RBL1: variants seen among roughly 807,000 people sequenced by gnomAD.
RBL1 encodes the protein RB transcriptional corepressor like 1, also known as retinoblastoma-like protein 1.
A neutral mutation model predicts 123.0 loss-of-function variants in RBL1; 82 were observed. The ratio of observed to expected loss-of-function variants is 0.67; its 90% CI spans 0.56 to 0.80. The LOEUF (loss-of-function observed/expected upper bound fraction) is 0.80, where lower values mean the gene tolerates loss of function less well. RBL1 is among the 30% of genes least tolerant of loss of function. RBL1 has a pLI of 0.00. For synonymous variants in RBL1, 405 were observed against 441.3 expected (o/e 0.92, Z 1.03); for missense variants, 1,171 against 1,299.6 (o/e 0.90, Z 1.52).
intron 2 of RBL1, among the ~76,000 whole-genome samples, chr20:37,070,028 GGC>G (rs1193792838): frequency 6.6e-6 from 1 of 152,270 alleles, no homozygotes; most frequent in East Asian, 1.9e-4. Flanking sequence ...GGAATAGAAG[GGC>G]GGGAAAGGTG....
chr20:37,002,347 T>G lies in RBL1; in HGVS notation c.3036+1355A>C, dbSNP rs557509464. 2.7e-3 allele frequency among the ~76,000 whole-genome samples: 373 copies of G among 137,112 alleles called. 3 individuals are homozygous for G. Among genetic ancestry groups the G allele is most frequent in the African/African-American group, 9.7e-3 (366 of 37,688 alleles). 90.0% of individuals were successfully genotyped at this position (137,112 alleles called of 152,430 possible). ...GCCTAGCCTTATCTGTTTTTTTTTT[T>G]TTTTTTTTTTTTTGAGACTAAGTCT... On this transcript the variant is annotated intron_variant, in intron 21 of 21. Transcript: ENST00000373664.
chr20:37,034,022 TC>T (rs1264398746), intron 15 of RBL1, among the ~76,000 whole-genome samples: 1 of 151,378 alleles, frequency 6.6e-6, no homozygotes, highest in African/African-American at 2.4e-5. Context: ...CACTGTAGCC[TC>T]AAATTCCTGG....
chr20:37,095,592 G>C (rs1396408943), intron 1 of RBL1, among the ~76,000 whole-genome samples, 181 bp downstream of exon 1: 3 of 152,132 alleles, frequency 2.0e-5, no homozygotes, highest in African/African-American at 7.2e-5. Flanking sequence ...TCAGTTTCCC[G>C]CCTCAAAATG....
chr20:37,080,317 C>T (rs567030372), intron 2 of RBL1, among the ~76,000 whole-genome samples: 14 of 151,940 alleles, frequency 9.2e-5, no homozygotes, highest in South Asian at 2.1e-4. Flanking sequence ...CCACCATGTT[C>T]GGCTGTTTTT....
At chr20:37,085,351 G>GTCTTGAAC (rs2065524801) in intron 2 of RBL1, among the ~76,000 whole-genome samples, 1 of 150,418 alleles carries the variant, frequency 6.6e-6, no homozygotes, top group Non-Finnish European at 1.5e-5. Flanking sequence ...GGCCAGGCTG[G>GTCTTGAAC]TCTTGAACTC....
chr20:37,056,078 G>A (rs867238944), intron 10 of RBL1, 68 bp downstream of exon 10: 10 of 1,518,624 alleles, frequency 6.6e-6, no homozygotes, highest in South Asian at 5.0e-5. Context: ...AGGAAAAACC[G>A]TGAATTTCTA....
Position 37,068,055 on chromosome 20 carries a change from G to A in RBL1, c.422C>T (p.Pro141Leu), listed in dbSNP as rs762473915. The A allele has an allele frequency of 3.7e-6, 6 of 1,613,380 alleles. No individual in the cohort carries two copies. Among genetic ancestry groups the A allele is most frequent in the Admixed American group, 1.7e-5 (1 of 59,894 alleles). ...ATTTTGAAATATATCTAAAAAAATT[G>A]GCTCATATTTTTTGAATATTACAGT... ...VSTVIFKKYE[P>L]IFLDIFQNPY... Residue 141 changes from proline to leucine, a missense_variant, in exon 3 of 22, where the codon CCA becomes CTA. By Grantham distance (98) the Pro-to-Leu change is moderately conservative. Transcript: ENST00000373664.
Position 37,035,397 on chromosome 20 carries a change from T to A in RBL1, c.2015A>T (p.Asp672Val). ...TTTTGTTCCTTCTGTTATGATCTTG[T>A]CCATAAGCATTTCCTTTGGGGGGTC... ...GEDPPKEMLM[D>V]KIITEGTKLK... The change falls in exon 15 of 22, where the codon GAC becomes GTC. Residue 672 changes from aspartate (D) to valine (V), a missense_variant. Transcript: ENST00000373664. 1 of 1,614,150 alleles carries A rather than the reference T, an allele frequency of 6.2e-7. No homozygotes were observed. The highest frequency in any genetic ancestry group is 8.5e-7 in the Non-Finnish European group (1 of 1,180,016).
chr20:37,032,976 TAAG>T, intron 15 of RBL1, 100 bp from the exon 16 acceptor site: 3 of 1,456,672 alleles, frequency 2.1e-6, no homozygotes, highest in South Asian at 2.9e-5. Context: ...TCTGTGTGTA[TAAG>T]AAGGCTACAA....
chr20:37,029,335 G>T (rs905061996), intron 16 of RBL1, among the ~76,000 whole-genome samples: 4 of 152,128 alleles, frequency 2.6e-5, no homozygotes, highest in African/African-American at 9.7e-5. Flanking sequence ...TGTACAAAAA[G>T]ATGGCCCTCT....
intron 14 of RBL1, among the ~76,000 whole-genome samples, chr20:37,036,340 C>T (rs145468224): frequency 0.014 from 2,011 of 147,356 alleles, 22 homozygotes; most frequent in Middle Eastern, 0.069. Context: ...TGCAGTGGCA[C>T]GATTTTGGCC....
chr20:37,058,143 A>ACAAAC (rs201074192), intron 9 of RBL1, among the ~76,000 whole-genome samples: 1 of 139,908 alleles, frequency 7.1e-6, no homozygotes. Context: ...AACAAAACAA[A>ACAAAC]AAAAAAAAAG....
At chr20:37,022,466 A>C (rs890090934) in intron 17 of RBL1, among the ~76,000 whole-genome samples, 184 bp downstream of exon 17, 5 of 152,140 alleles carry the variant, frequency 3.3e-5, no homozygotes, top group Admixed American at 2.0e-4. Flanking sequence ...AGCTGGGCCT[A>C]TAGGTGCAAG....
At chr20:37,068,900 C>CTT (rs2065228222) in intron 2 of RBL1, among the ~76,000 whole-genome samples, 1 of 152,256 alleles carries the variant, frequency 6.6e-6, no homozygotes, top group African/African-American at 2.4e-5. Context: ...TCATGCTGAG[C>CTT]CGAAGCTGGA....
Position 37,032,997 on chromosome 20 carries a change from ATTCTAGG to A in RBL1, c.2171-128_2171-122del, listed in dbSNP as rs924242749. 9 of 1,338,126 alleles carry A rather than the reference ATTCTAGG, an allele frequency of 6.7e-6. No individual in the cohort carries two copies. The African/African-American group carries it at 1.4e-4, about 20-fold the overall frequency. The allele number at this position is 1,338,126 out of a possible 1,614,324, so 82.9% of individuals were successfully genotyped here. A position where few individuals can be genotyped will look rare whatever the true frequency, so the allele number is the denominator to read the frequency against. On this transcript the variant is annotated intron_variant, in intron 15 of 21. Coordinates refer to ENST00000373664, the MANE Select transcript of RBL1 (RefSeq NM_002895.5). The stretch of plus-strand genomic sequence containing the variant: ...TGTATAAGAAGGCTACAAAATAGTA[ATTCTAGG>A]TTATGACTGAATTCTTTTTTTTTTT...
chr20:37,072,682 A>G (rs543121886), intron 2 of RBL1, among the ~76,000 whole-genome samples: 5 of 152,138 alleles, frequency 3.3e-5, no homozygotes, highest in Non-Finnish European at 5.9e-5. Context: ...GAGATTTTGA[A>G]TCTGAAGCTG....
rs1415600044 is a variant in RBL1, at chr20:36,998,826, C to T, written c.3140G>A (p.Cys1047Tyr). Residue 1047 changes from cysteine to tyrosine, a missense_variant, in exon 22 of 22, where the codon TGT (cysteine) becomes TAT (tyrosine). Coordinates refer to ENST00000373664, the MANE Select transcript of RBL1 (RefSeq NM_002895.5). The stretch of plus-strand genomic sequence containing the variant: ...CAGTAAAACGTCATCATTTTCTTGA[C>T]AGACGCGTTTGGCAGGGGATTCTGC... ...SDAESPAKRV[C>Y]QENDDVLLKR... 1.2e-6 allele frequency: 2 copies of T among 1,613,752 alleles called. No individual in the cohort carries two copies. The highest frequency in any genetic ancestry group is 3.3e-5 in the Admixed American group (2 of 60,008).
rs1289153649 is a variant in RBL1, at chr20:36,998,687, G to A, written c.*72C>T. 7.2e-7 allele frequency: 1 copy of A among 1,396,494 alleles called. No homozygotes were observed. The allele number at this position is 1,396,494 out of a possible 1,614,324, so 86.5% of individuals were successfully genotyped here. A position where few individuals can be genotyped will look rare whatever the true frequency, so the allele number is the denominator to read the frequency against. ...TATTTATCATCTATAGGGCTAAAAG[G>A]TTTGAAGGACAGAGCTCCAACTTTC... is the stretch of plus-strand genomic sequence containing the variant. On this transcript the variant is annotated 3_prime_UTR_variant, in exon 22 of 22. Coordinates refer to ENST00000373664, the MANE Select transcript of RBL1 (RefSeq NM_002895.5).
chr20:37,089,168 AAAATGCTT>A, intron 1 of RBL1, 46 bp from the exon 2 acceptor site: 1 of 1,500,604 alleles, frequency 6.7e-7, no homozygotes, highest in South Asian at 1.3e-5. Context: ...ATATTATGTT[AAAATGCTT>A]TAATTCTAGA....
Sources: gnomAD v4.1 joint callset for allele counts (sites outside exome capture counted in the v4.1 genomes callset) on GRCh38, gnomAD v4.1.1 for gene constraint, MANE v1.5 for transcripts, NCBI Gene and HGNC (gene_info 2026-07-23, HGNC 2026-07-21) for gene names.